SEMA3E: variants seen among roughly 807,000 people sequenced by gnomAD.
SEMA3E encodes the protein semaphorin 3E.
SEMA3E carries 49 observed loss-of-function variants against 93.6 expected under a neutral mutation model. The observed-to-expected ratio is 0.52, with a 90% CI of 0.42 to 0.66. The LOEUF (loss-of-function observed/expected upper bound fraction) is 0.66. SEMA3E is among the 30% of genes least tolerant of loss of function. The pLI, the probability that SEMA3E is intolerant of heterozygous loss-of-function variation, is 0.00. For synonymous variants in SEMA3E, 363 were observed against 330.7 expected (o/e 1.10, Z -1.06); for missense variants, 906 against 964.8 (o/e 0.94, Z 0.81).
chr7:83,505,831 T>C (rs566308546), intron 1 of SEMA3E, among the ~76,000 whole-genome samples: 74 of 151,752 alleles, frequency 4.9e-4, no homozygotes, highest in South Asian at 1.5e-3. Flanking sequence ...CTGGCTAACA[T>C]GGTGAAACCT....
intron 2 of SEMA3E, among the ~76,000 whole-genome samples, chr7:83,478,170 G>A (rs756595482): frequency 1.1e-4 from 16 of 152,102 alleles, no homozygotes; most frequent in Admixed American, 2.6e-4. Context: ...TGATCTGCCC[G>A]CCTTGGTCCC....
chr7:83,619,020 G>A (rs559022240), intron 1 of SEMA3E, among the ~76,000 whole-genome samples: 271 of 151,786 alleles, frequency 1.8e-3, no homozygotes, highest in African/African-American at 6.3e-3. Flanking sequence ...ATATTCTGAT[G>A]GATATTAGAA....
chr7:83,377,196 A>G (rs1461717355), intron 16 of SEMA3E, among the ~76,000 whole-genome samples: 1 of 152,004 alleles, frequency 6.6e-6, no homozygotes, highest in East Asian at 1.9e-4. Flanking sequence ...TTTATTGAAA[A>G]TCCATTGCAA....
At chr7:83,394,408 AC>A in intron 12 of SEMA3E, 70 bp from the exon 13 acceptor site, 2 of 1,295,550 alleles carry the variant, frequency 1.5e-6, no homozygotes, top group South Asian at 1.2e-5. Flanking sequence ...ATGGTTGTAA[AC>A]CCCTGAAATT....
At chr7:83,525,640 A>G (rs1034343108) in intron 1 of SEMA3E, among the ~76,000 whole-genome samples, 15 of 151,774 alleles carry the variant, frequency 9.9e-5, no homozygotes, top group African/African-American at 3.1e-4. Flanking sequence ...AAATTCAAAG[A>G]GCTGTTTTAT....
At chr7:83,490,861 T>A (rs1179738141) in intron 1 of SEMA3E, among the ~76,000 whole-genome samples, 5 of 152,132 alleles carry the variant, frequency 3.3e-5, no homozygotes, top group African/African-American at 1.2e-4. Flanking sequence ...GCCAGAAATG[T>A]TGAGCTATGT....
At chr7:83,533,257 G>C (rs1791341684) in intron 1 of SEMA3E, among the ~76,000 whole-genome samples, 1 of 152,048 alleles carries the variant, frequency 6.6e-6, no homozygotes, top group East Asian at 1.9e-4. Context: ...AAGCAAAACA[G>C]GGGGCCAGGT....
chr7:83,384,621 C>G (rs1787843877), intron 16 of SEMA3E, among the ~76,000 whole-genome samples: 1 of 151,996 alleles, frequency 6.6e-6, no homozygotes, highest in Non-Finnish European at 1.5e-5. Context: ...TGGACTCTTT[C>G]TATAGACAGC....
intron 16 of SEMA3E, among the ~76,000 whole-genome samples, chr7:83,375,749 A>C (rs1053464421): frequency 6.6e-6 from 1 of 152,210 alleles, no homozygotes; most frequent in African/African-American, 2.4e-5. Context: ...TCATAGATCT[A>C]AGAGAAAATG....
chr7:83,541,737 A>G (rs905537171), intron 1 of SEMA3E, among the ~76,000 whole-genome samples: 3 of 152,162 alleles, frequency 2.0e-5, no homozygotes, highest in Admixed American at 6.6e-5. Context: ...TTTCAGAGAA[A>G]GTGAAAGAGG....
chr7:83,645,929 C>T (rs1794074238), intron 1 of SEMA3E, among the ~76,000 whole-genome samples: 1 of 151,920 alleles, frequency 6.6e-6, no homozygotes, highest in Non-Finnish European at 1.5e-5. Context: ...GATAAACTTT[C>T]TCCTCCTCCT....
In SEMA3E at chr7:83,385,187, A is replaced by G. The variant is rs1215265591; in HGVS notation, c.1875+107T>C. 3 of 1,194,628 alleles carry G rather than the reference A, an allele frequency of 2.5e-6. No individual in the cohort carries two copies. In the African/African-American group the frequency reaches 4.5e-5, roughly 18 times the overall value. The allele number at this position is 1,194,628 out of a possible 1,614,324, so 74.0% of individuals were successfully genotyped here. A position where few individuals can be genotyped will look rare whatever the true frequency, so the allele number is the denominator to read the frequency against. The stretch of plus-strand genomic sequence containing the variant: ...AACTGACTTATTAAATAAGGCATGC[A>G]TAGTACAACAGCTAGCTTCATTTTT... On this transcript the variant is annotated intron_variant, in intron 16 of 16. Transcript: ENST00000643230.
At chr7:83,462,353 T>A (rs765596698) in intron 4 of SEMA3E, among the ~76,000 whole-genome samples, 34 of 152,166 alleles carry the variant, frequency 2.2e-4, no homozygotes, top group Non-Finnish European at 4.6e-4. Context: ...CCAACTCTGG[T>A]GCCAACTTAG....
At chr7:83,389,060 C>T (rs1787941508) in intron 14 of SEMA3E, among the ~76,000 whole-genome samples, 1 of 151,338 alleles carries the variant, frequency 6.6e-6, no homozygotes, top group Non-Finnish European at 1.5e-5. Flanking sequence ...TACCTAAAAA[C>T]CTGAGATTTT....
chr7:83,478,552 T>A (rs1223198883), intron 2 of SEMA3E, among the ~76,000 whole-genome samples: 1 of 152,190 alleles, frequency 6.6e-6, no homozygotes, highest in Non-Finnish European at 1.5e-5. Context: ...ATAGACAGGA[T>A]AATCTGTTAC....
intron 4 of SEMA3E, among the ~76,000 whole-genome samples, chr7:83,450,240 T>C (rs930585075): frequency 1.3e-5 from 2 of 152,208 alleles, no homozygotes; most frequent in Non-Finnish European, 2.9e-5. Flanking sequence ...ATATGTATCC[T>C]CTATGGCACA....
At position 83,644,583 on chromosome 7, in the gene SEMA3E, A is replaced by G. The variant is rs565442786; in HGVS notation, c.115+3845T>C. 3.3e-5 allele frequency among the ~76,000 whole-genome samples: 5 copies of G among 152,030 alleles called. No individual in the cohort carries two copies. The South Asian group carries it at 1.0e-3, about 32-fold the overall frequency. On this transcript the variant is annotated intron_variant, in intron 1 of 16. Transcript: ENST00000643230. Reference sequence around the variant, plus strand: ...AAAAACCCAGTAAAATGTACAGGCAAATTACCATTACTACCCCTATTTTCA... The same window carrying G: ...AAAAACCCAGTAAAATGTACAGGCAGATTACCATTACTACCCCTATTTTCA...
In SEMA3E at chr7:83,644,083, A is replaced by C. The variant is rs534339096; in HGVS notation, c.115+4345T>G. On this transcript the variant is annotated intron_variant, in intron 1 of 16. Transcript: ENST00000643230. Reference sequence around the variant, plus strand: ...GAATGATCATTCAGAATATTTATTTAACATTGTGCTCTTTTAGAATTCTCT... The same window carrying C: ...GAATGATCATTCAGAATATTTATTTCACATTGTGCTCTTTTAGAATTCTCT... Among the ~76,000 whole-genome samples the C allele has an allele frequency of 2.0e-5, 3 of 152,128 alleles. No homozygotes were observed. In the East Asian group the frequency reaches 5.8e-4, roughly 29 times the overall value.
chr7:83,429,630 A>G (rs538092274), intron 4 of SEMA3E, among the ~76,000 whole-genome samples: 1 of 152,274 alleles, frequency 6.6e-6, no homozygotes, highest in South Asian at 2.1e-4. Flanking sequence ...TTTTTGAAGG[A>G]AGTCTAACCT....
Sources: gnomAD v4.1 joint callset for allele counts (sites outside exome capture counted in the v4.1 genomes callset) on GRCh38, gnomAD v4.1.1 for gene constraint, MANE v1.5 for transcripts, NCBI Gene and HGNC (gene_info 2026-07-23, HGNC 2026-07-21) for gene names.